The following CHCHD3 variants were observed in gnomAD, a reference collection of about 807,000 sequenced individuals.
CHCHD3 encodes MICOS complex subunit MIC19.
Under a neutral mutation model 38.2 loss-of-function variants are expected in CHCHD3, and 20 were observed. The ratio of observed to expected loss-of-function variants is 0.52; its 90% CI spans 0.37 to 0.76. The LOEUF is 0.76. CHCHD3 is among the 30% of genes least tolerant of loss of function. The pLI, the probability that CHCHD3 is intolerant of heterozygous loss-of-function variation, is 0.00. For missense variants in CHCHD3, 245 were observed against 279.2 expected (o/e 0.88, Z 0.87); for synonymous variants, 82 against 100.0 (o/e 0.82, Z 1.07).
chr7:132,840,066 T>C (rs1211666581), intron 5 of CHCHD3, among the ~76,000 whole-genome samples: 1 of 152,230 alleles, frequency 6.6e-6, no homozygotes, highest in Non-Finnish European at 1.5e-5. Flanking sequence ...ACTGTAATTG[T>C]CTATATGCCG....
chr7:132,943,218 C>A (rs184973411), intron 4 of CHCHD3, among the ~76,000 whole-genome samples: 1 of 152,022 alleles, frequency 6.6e-6, no homozygotes. Context: ...ATTTAAAATG[C>A]TTAATGAAAA....
intron 2 of CHCHD3, among the ~76,000 whole-genome samples, chr7:133,030,728 C>T (rs987853932): frequency 2.0e-5 from 3 of 152,126 alleles, no homozygotes; most frequent in African/African-American, 7.2e-5. Flanking sequence ...TTCTCAGAAA[C>T]CATTTTAATT....
intron 4 of CHCHD3, among the ~76,000 whole-genome samples, chr7:132,917,048 G>A (rs1810124646): frequency 6.6e-6 from 1 of 152,164 alleles, no homozygotes; most frequent in Admixed American, 6.5e-5. Context: ...TAAAGTCTGA[G>A]TGCATGCAAA....
At chr7:132,955,173 G>GGGGGGTGTGTGTGTGTGTGTGT (rs138213006) in intron 4 of CHCHD3, among the ~76,000 whole-genome samples, 2 of 126,226 alleles carry the variant, frequency 1.6e-5, no homozygotes, top group African/African-American at 6.0e-5. Flanking sequence ...TCCCTCAGAG[G>GGGGGGTGTGTGTGTGTGTGTGT]GTGTGTGTGT....
At chr7:132,976,880 C>T (rs891542146) in intron 3 of CHCHD3, among the ~76,000 whole-genome samples, 1 of 151,724 alleles carries the variant, frequency 6.6e-6, no homozygotes, top group East Asian at 1.9e-4. Context: ...AGATATATTC[C>T]AAAGTTATCA....
intron 3 of CHCHD3, among the ~76,000 whole-genome samples, chr7:133,005,730 T>C (rs910924332): frequency 6.6e-6 from 1 of 152,222 alleles, no homozygotes; most frequent in Non-Finnish European, 1.5e-5. Flanking sequence ...GTATCTACTA[T>C]ATAGAGGGTA....
At chr7:132,935,825 A>G (rs1041790776) in intron 4 of CHCHD3, among the ~76,000 whole-genome samples, 1 of 152,172 alleles carries the variant, frequency 6.6e-6, no homozygotes, top group African/African-American at 2.4e-5. Context: ...ATGGTTCTGG[A>G]GGTTGCAAAG....
intron 3 of CHCHD3, among the ~76,000 whole-genome samples, chr7:132,979,626 G>T (rs1811866074): frequency 6.6e-6 from 1 of 152,142 alleles, no homozygotes; most frequent in Non-Finnish European, 1.5e-5. Context: ...ACCAAGAAAG[G>T]ATTTCCTTCA....
chr7:132,934,256 A>G (rs1810583655), intron 4 of CHCHD3, among the ~76,000 whole-genome samples: 1 of 152,136 alleles, frequency 6.6e-6, no homozygotes, highest in Non-Finnish European at 1.5e-5. Context: ...TGCCAATGCT[A>G]CTGCTCTACA....
chr7:132,885,272 A>C (rs141378227), intron 5 of CHCHD3, among the ~76,000 whole-genome samples: 1 of 152,214 alleles, frequency 6.6e-6, no homozygotes, highest in South Asian at 2.1e-4. Flanking sequence ...AAGCAAAAAA[A>C]GAAAAGATAA....
At position 133,035,389 on chromosome 7, in the gene CHCHD3, G is replaced by A. The variant is rs1283104430; in HGVS notation, c.170-10762C>T. On this transcript the variant is annotated intron_variant, in intron 2 of 7. Transcript: ENST00000262570. The surrounding 1 kb of genome is among the most constrained non-coding windows in gnomAD (Gnocchi z 4.7). ...TTGCGAAAGGCCCGGCGGAAAGAAG[G>A]CTCTAGAACCTGCTTATAGAGCCAC... The A allele has an allele frequency of 6.2e-6, 10 of 1,613,266 alleles. No individual in the cohort carries two copies. The African/African-American group carries it at 1.3e-4, about 22-fold the overall frequency.
chr7:132,981,237 C>T (rs1811911306), intron 3 of CHCHD3, among the ~76,000 whole-genome samples: 1 of 151,670 alleles, frequency 6.6e-6, no homozygotes, highest in Admixed American at 6.6e-5. Context: ...TGGTCTTGAA[C>T]TGGGCTCAAG....
At chr7:133,001,784 T>A (rs188743573) in intron 3 of CHCHD3, among the ~76,000 whole-genome samples, 3 of 152,332 alleles carry the variant, frequency 2.0e-5, no homozygotes, top group African/African-American at 7.2e-5. Context: ...TTTTTAACAC[T>A]ATACAACTAG....
At chr7:133,001,522 T>TTTTTTTTTTTACTAAG (rs1257190827) in intron 3 of CHCHD3, among the ~76,000 whole-genome samples, 1 of 151,640 alleles carries the variant, frequency 6.6e-6, no homozygotes, top group African/African-American at 2.4e-5. Flanking sequence ...AACTAAGTTG[T>TTTTTTTTTTTACTAAG]TTTTTTTAAT....
intron 4 of CHCHD3, among the ~76,000 whole-genome samples, chr7:132,895,325 C>T (rs1809466236): frequency 6.6e-6 from 1 of 152,210 alleles, no homozygotes; most frequent in Admixed American, 6.5e-5. Flanking sequence ...GTTATGGAGA[C>T]AGATCTTACA....
chr7:133,028,887 A>C (rs1335242307), intron 2 of CHCHD3, among the ~76,000 whole-genome samples: 1 of 138,876 alleles, frequency 7.2e-6, no homozygotes, highest in East Asian at 2.1e-4. Flanking sequence ...TCCATCTCAC[A>C]AAAAAAAAAA....
At chr7:133,021,902 T>G (rs949588109) in intron 3 of CHCHD3, among the ~76,000 whole-genome samples, 54 of 152,042 alleles carry the variant, frequency 3.6e-4, no homozygotes, top group African/African-American at 1.1e-3. Context: ...CTGGCCAATA[T>G]GGTGAAACCC....
intron 2 of CHCHD3, among the ~76,000 whole-genome samples, chr7:133,039,393 A>C (rs1287584880): frequency 6.6e-6 from 1 of 152,228 alleles, no homozygotes; most frequent in Non-Finnish European, 1.5e-5. Flanking sequence ...AGCAAGAGGA[A>C]TCCTCAGATG....
At chr7:133,010,219 A>G (rs1351745950) in intron 3 of CHCHD3, among the ~76,000 whole-genome samples, 7 of 152,184 alleles carry the variant, frequency 4.6e-5, no homozygotes, top group African/African-American at 1.7e-4. Context: ...GAGCTACCAC[A>G]TCCAATTGCT....
Sources: allele counts gnomAD v4.1 joint callset (sites outside exome capture counted in the v4.1 genomes callset), GRCh38; gene constraint gnomAD v4.1.1; non-coding constraint Gnocchi (gnomAD v3.1); transcripts MANE v1.5; gene names NCBI Gene and HGNC (gene_info 2026-07-23, HGNC 2026-07-21).